Variants in PCDH15 observed in about 807,000 individuals in gnomAD.
PCDH15 encodes the protein protocadherin related 15.
A neutral mutation model predicts 178.5 loss-of-function variants in PCDH15; 129 were observed. The observed-to-expected ratio is 0.72, with a 90% CI of 0.63 to 0.84. The LOEUF is 0.84. Ranked by LOEUF, PCDH15 falls within the 40% of genes least tolerant of loss-of-function variation. The pLI, the probability that PCDH15 is intolerant of heterozygous loss-of-function variation, is 0.00. For missense variants in PCDH15, 2,230 were observed against 2,099.9 expected, an observed-to-expected ratio of 1.06 and a Z score of -1.21; for synonymous variants, 800 against 732.0, an observed-to-expected ratio of 1.09 and a Z score of -1.50.
chr10:54,225,392 C>A (rs1383289412), intron 9 of PCDH15, among the ~76,000 whole-genome samples: 2 of 152,060 alleles, frequency 1.3e-5, no homozygotes, highest in Non-Finnish European at 2.9e-5. Context: ...GATTCAAATC[C>A]CCAAGTTACT....
intron 1 of PCDH15, among the ~76,000 whole-genome samples, chr10:55,269,180 G>A (rs529472089): frequency 6.6e-6 from 1 of 152,080 alleles, no homozygotes; most frequent in East Asian, 1.9e-4. Context: ...ACACCATATG[G>A]AATGGGCAAA....
intron 29 of PCDH15, among the ~76,000 whole-genome samples, chr10:53,835,654 T>C (rs2077263271): frequency 6.6e-6 from 1 of 152,190 alleles, no homozygotes; most frequent in Admixed American, 6.5e-5. Flanking sequence ...CGGTGGCTTA[T>C]GCCTGTAATC....
chr10:54,723,136 T>C (rs1941918436), intron 1 of PCDH15, among the ~76,000 whole-genome samples: 1 of 151,642 alleles, frequency 6.6e-6, no homozygotes, highest in South Asian at 2.1e-4. Context: ...CATTGTGTGA[T>C]TTCAAATTAT....
Position 55,332,520 on chromosome 10 carries a change from G to A in PCDH15, c.-155-165869C>T, listed in dbSNP as rs190086806. On this transcript the variant is annotated intron_variant, in intron 2 of 5. Coordinates refer to the PCDH15 transcript ENST00000613346. ...TTGATGACATTTGGAGGATACTAGA[G>A]AACCAAATTATTGATCATAAAACTA... 5.6e-4 allele frequency among the ~76,000 whole-genome samples: 86 copies of A among 152,238 alleles called. No individual in the cohort carries two copies. In the East Asian group the frequency reaches 0.015, roughly 27 times the overall value.
At position 54,290,677 on chromosome 10, in the gene PCDH15, C is replaced by T. The variant is rs530838565; in HGVS notation, c.876+26594G>A. Reference sequence around the variant, plus strand: ...TCTCACATACAAAGACGAATATAGGCTCAAAATAAAGGGATGGAGGAAGAT... The same window carrying T: ...TCTCACATACAAAGACGAATATAGGTTCAAAATAAAGGGATGGAGGAAGAT... On this transcript the variant is annotated intron_variant, in intron 8 of 37. Transcript: ENST00000644397. Among the ~76,000 whole-genome samples, 10 of 152,112 alleles carry T rather than the reference C, an allele frequency of 6.6e-5. No homozygotes were observed. In the South Asian group the frequency reaches 8.3e-4, roughly 13 times the overall value.
chr10:55,611,923 A>C (rs1843375251), intron 2 of PCDH15, among the ~76,000 whole-genome samples: 1 of 152,108 alleles, frequency 6.6e-6, no homozygotes, highest in East Asian at 1.9e-4. Context: ...CAGGTACAGA[A>C]AGACAAATAC....
intron 2 of PCDH15, among the ~76,000 whole-genome samples, chr10:54,534,012 G>A (rs2084217181): frequency 1.3e-5 from 2 of 152,072 alleles, no homozygotes; most frequent in Non-Finnish European, 2.9e-5. Context: ...ATGGGGATAA[G>A]AGTAATTACA....
chr10:55,068,038 T>C (rs1435893601), intron 2 of PCDH15, among the ~76,000 whole-genome samples: 2 of 152,124 alleles, frequency 1.3e-5, no homozygotes, highest in Non-Finnish European at 2.9e-5. Flanking sequence ...ATTTAAAAAG[T>C]TGTCTCTACA....
rs561989661 is a variant in PCDH15, at chr10:54,948,861, A to C, written c.-79-51361T>G. Reference sequence around the variant, plus strand: ...ACACCCTCACAGATATATCTGGGATAATTTTTGGCTAAATATCCAGGGACC... The same window carrying C: ...ACACCCTCACAGATATATCTGGGATCATTTTTGGCTAAATATCCAGGGACC... On this transcript the variant is annotated intron_variant, in intron 2 of 5. Coordinates refer to the PCDH15 transcript ENST00000458638. Among the ~76,000 whole-genome samples the C allele has an allele frequency of 1.4e-3, 210 of 152,056 alleles. 2 individuals carry two copies. Among genetic ancestry groups the C allele is most frequent in the Non-Finnish European group, 2.3e-3 (154 of 67,956 alleles).
intron 2 of PCDH15, among the ~76,000 whole-genome samples, chr10:55,589,255 G>C (rs1842788649): frequency 6.6e-6 from 1 of 151,998 alleles, no homozygotes; most frequent in African/African-American, 2.4e-5. Flanking sequence ...AAGGGATCCA[G>C]TTTCAACTTT....
intron 1 of PCDH15, among the ~76,000 whole-genome samples, chr10:54,745,025 C>T (rs551237584): frequency 6.0e-4 from 91 of 151,886 alleles, no homozygotes; most frequent in African/African-American, 2.0e-3. Context: ...ATATTTCATG[C>T]GTAACATATA....
At chr10:54,477,941 C>A (rs1388871835) in intron 3 of PCDH15, among the ~76,000 whole-genome samples, 1 of 152,146 alleles carries the variant, frequency 6.6e-6, no homozygotes. Context: ...AGACCACCTA[C>A]TGTTACGCAA....
intron 1 of PCDH15, among the ~76,000 whole-genome samples, chr10:54,744,381 G>T (rs879756159): frequency 6.6e-6 from 1 of 152,022 alleles, no homozygotes; most frequent in African/African-American, 2.4e-5. Flanking sequence ...GCTTTATCCA[G>T]TAAGATTTTG....
At chr10:55,214,147 A>G (rs1840639506) in intron 1 of PCDH15, among the ~76,000 whole-genome samples, 1 of 152,042 alleles carries the variant, frequency 6.6e-6, no homozygotes, top group African/African-American at 2.4e-5. Context: ...AAAATATGTT[A>G]GAACTGGTTT....
chr10:55,602,952 G>C lies in PCDH15; in HGVS notation c.-156+24673C>G, dbSNP rs1386505026. ...ATCAAATTACTCTGAGCTACGGGAG[G>C]AAATTCAAACGAAAGGCAAAGAAGT... On this transcript the variant is annotated intron_variant, in intron 2 of 5. Transcript: ENST00000613346. Among the ~76,000 whole-genome samples, 6 of 152,068 alleles carry C rather than the reference G, an allele frequency of 3.9e-5. No homozygotes were observed. In the South Asian group the frequency reaches 6.2e-4, roughly 16 times the overall value.
chr10:54,814,398 A>G (rs551636704), intron 3 of PCDH15, among the ~76,000 whole-genome samples: 1 of 152,310 alleles, frequency 6.6e-6, no homozygotes, highest in Admixed American at 6.5e-5. Flanking sequence ...ACGTGTATCT[A>G]ACAGGTAAAA....
chr10:54,639,630 T>G (rs1251640259), intron 2 of PCDH15, among the ~76,000 whole-genome samples: 1 of 152,146 alleles, frequency 6.6e-6, no homozygotes, highest in Non-Finnish European at 1.5e-5. Flanking sequence ...TTCAATACAT[T>G]GAGTTGTTTA....
chr10:55,463,991 GAGAAAGAAAGAA>G (rs1225302628), intron 2 of PCDH15, among the ~76,000 whole-genome samples: 1,580 of 21,062 alleles, frequency 0.075, 222 homozygotes, highest in South Asian at 0.093. Flanking sequence ...AAGAAAGAAA[GAGAAAGAAAGAA>G]AGAAAGAAAG....
chr10:54,544,822 C>G (rs139282200), intron 2 of PCDH15, among the ~76,000 whole-genome samples: 199 of 152,266 alleles, frequency 1.3e-3, no homozygotes, highest in Non-Finnish European at 2.6e-3. Context: ...GTTACATTAA[C>G]AGCATTTTAT....
Sources: allele counts gnomAD v4.1 joint callset (sites outside exome capture counted in the v4.1 genomes callset), GRCh38; gene constraint gnomAD v4.1.1; transcripts MANE v1.5; gene names NCBI Gene and HGNC (gene_info 2026-07-23, HGNC 2026-07-21).